The following DTWD2 variants were observed in gnomAD, a reference collection of about 807,000 sequenced individuals.
DTWD2 encodes tRNA-uridine aminocarboxypropyltransferase 2.
DTWD2 carries 39 observed loss-of-function variants against 31.8 expected under a neutral mutation model. The observed-to-expected ratio is 1.22, with a 90% confidence interval of 0.95 to 1.60. The LOEUF is 1.60. DTWD2 is among the 40% of genes most tolerant of loss of function. The pLI, the probability that DTWD2 is intolerant of heterozygous loss-of-function variation, is 0.00. For missense variants in DTWD2, 515 were observed against 381.5 expected (o/e 1.35, Z -2.92); for synonymous variants, 180 against 142.8 (o/e 1.26, Z -1.86).
At chr5:118,961,063 C>T (rs1229305217) in intron 1 of DTWD2, among the ~76,000 whole-genome samples, 1 of 108,536 alleles carries the variant, frequency 9.2e-6, no homozygotes, top group Non-Finnish European at 1.8e-5. Flanking sequence ...CACATGTACC[C>T]CCAAAACTAA....
At chr5:118,961,337 TAA>T (rs1754702165) in intron 1 of DTWD2, among the ~76,000 whole-genome samples, 1 of 152,238 alleles carries the variant, frequency 6.6e-6, no homozygotes, top group African/African-American at 2.4e-5. Context: ...ACAGCTTTCT[TAA>T]CAGCAAATTA....
At chr5:118,851,848 A>G (rs1023674076) in intron 4 of DTWD2, among the ~76,000 whole-genome samples, 14 of 151,928 alleles carry the variant, frequency 9.2e-5, no homozygotes, top group South Asian at 2.1e-4. Flanking sequence ...ATAAAAAAAA[A>G]AAAAAGAAAA....
At chr5:118,944,432 G>A in intron 2 of DTWD2, 127 bp downstream of exon 2, 1 of 934,376 alleles carries the variant, frequency 1.1e-6, no homozygotes, top group Non-Finnish European at 1.6e-6. Context: ...TTCCAAAAGA[G>A]AAAGCATTTA....
chr5:118,975,474 C>A (rs1361678595), intron 1 of DTWD2, among the ~76,000 whole-genome samples: 2 of 152,054 alleles, frequency 1.3e-5, no homozygotes, highest in Non-Finnish European at 2.9e-5. Context: ...TTAGAATATG[C>A]TCCTTTAGCT....
At chr5:118,841,746 C>T (rs949164109) in intron 5 of DTWD2, among the ~76,000 whole-genome samples, 11 of 151,838 alleles carry the variant, frequency 7.2e-5, no homozygotes, top group African/African-American at 2.2e-4. Context: ...CTGGAGTATA[C>T]GCTCTACCTG....
intron 1 of DTWD2, among the ~76,000 whole-genome samples, chr5:118,975,935 T>A (rs548413425): frequency 6.4e-4 from 97 of 152,282 alleles, no homozygotes; most frequent in African/African-American, 2.3e-3. Context: ...ATTGACCACA[T>A]AATTAGAAGC....
At chr5:118,964,852 C>T (rs1310765810) in intron 1 of DTWD2, among the ~76,000 whole-genome samples, 4 of 152,322 alleles carry the variant, frequency 2.6e-5, no homozygotes, top group Non-Finnish European at 4.4e-5. Flanking sequence ...AGCCTCTGCC[C>T]GGCCACCACC....
rs1580757843 is a variant in DTWD2, at chr5:118,840,184, T to C, written c.*733A>G. On this transcript the variant is annotated 3_prime_UTR_variant, in exon 6 of 6. Transcript: ENST00000510708. ...ATATGTTCTGAAAATAACAATTGTA[T>C]CATATTCCACTTATTATTTTCCATA... 1 of 152,230 alleles carries C rather than the reference T, an allele frequency of 6.6e-6. No individual in the cohort carries two copies. Among genetic ancestry groups the C allele is most frequent in the East Asian group, 1.9e-4 (1 of 5,208 alleles). 9.4% of individuals were successfully genotyped at this position (152,230 alleles called of 1,614,324 possible).
chr5:118,976,837 G>A (rs1755172938), intron 1 of DTWD2, among the ~76,000 whole-genome samples: 3 of 152,180 alleles, frequency 2.0e-5, no homozygotes, highest in Admixed American at 2.0e-4. Flanking sequence ...CTCATTTTAT[G>A]AGGCCAGCAT....
At chr5:118,950,213 CAAAAA>C (rs764214153) in intron 1 of DTWD2, among the ~76,000 whole-genome samples, 136 of 49,606 alleles carry the variant, frequency 2.7e-3, no homozygotes, top group African/African-American at 9.8e-3. Context: ...ACTCCATCTC[CAAAAA>C]AAAAAAAAAA....
intron 1 of DTWD2, among the ~76,000 whole-genome samples, chr5:118,978,162 T>TGGG (rs1755209750): frequency 6.6e-6 from 1 of 151,940 alleles, no homozygotes; most frequent in Non-Finnish European, 1.5e-5. Context: ...GAGAACTGGC[T>TGGG]AGCCATATGC....
chr5:118,855,650 G>A (rs1752116719), intron 4 of DTWD2, among the ~76,000 whole-genome samples: 1 of 152,122 alleles, frequency 6.6e-6, no homozygotes. Flanking sequence ...AGACTGACAT[G>A]ACAGCTTAAT....
At chr5:118,964,607 T>C (rs1329855339) in intron 1 of DTWD2, among the ~76,000 whole-genome samples, 1 of 152,046 alleles carries the variant, frequency 6.6e-6, no homozygotes, top group East Asian at 1.9e-4. Flanking sequence ...GCCTGACTGG[T>C]TTTCGTATTT....
At chr5:118,932,658 T>C (rs1464163721) in intron 3 of DTWD2, among the ~76,000 whole-genome samples, 2 of 152,012 alleles carry the variant, frequency 1.3e-5, no homozygotes, top group Non-Finnish European at 2.9e-5. Context: ...AAGAGGAAAT[T>C]TGGACACAAA....
At chr5:118,974,469 C>G (rs1270467951) in intron 1 of DTWD2, 2 of 470,796 alleles carry the variant, frequency 4.2e-6, no homozygotes, top group East Asian at 5.6e-5. Flanking sequence ...ACCAAACCAG[C>G]CTTCGGAGCG....
chr5:118,924,661 T>C (rs1302058660), intron 4 of DTWD2, among the ~76,000 whole-genome samples: 1 of 152,238 alleles, frequency 6.6e-6, no homozygotes, highest in Non-Finnish European at 1.5e-5. Context: ...AATAAACTTT[T>C]AGTGTTACAT....
At chr5:118,893,360 CAA>C (rs751616981) in intron 4 of DTWD2, among the ~76,000 whole-genome samples, 50 of 52,578 alleles carry the variant, frequency 9.5e-4, no homozygotes, top group South Asian at 6.4e-3. Context: ...GACACAGTCT[CAA>C]AAAAAAAAAA....
At chr5:118,891,294 C>A (rs1179960190) in intron 4 of DTWD2, among the ~76,000 whole-genome samples, 1 of 152,052 alleles carries the variant, frequency 6.6e-6, no homozygotes, top group African/African-American at 2.4e-5. Context: ...ATCCACATCA[C>A]TCATAAACAG....
chr5:118,952,424 G>A (rs1298940608), intron 1 of DTWD2, among the ~76,000 whole-genome samples: 1 of 152,126 alleles, frequency 6.6e-6, no homozygotes, highest in Non-Finnish European at 1.5e-5. Flanking sequence ...ATAGGAGTTG[G>A]GTAGGTAGTG....
Sources: gnomAD v4.1 joint callset for allele counts (sites outside exome capture counted in the v4.1 genomes callset) on GRCh38, gnomAD v4.1.1 for gene constraint, MANE v1.5 for transcripts, NCBI Gene and HGNC (gene_info 2026-07-23, HGNC 2026-07-21) for gene names.